Variants in MRC2 observed in about 807,000 individuals in gnomAD.
MRC2 encodes mannose receptor C-type 2.
MRC2 carries 84 observed loss-of-function variants against 206.2 expected under a neutral mutation model. That is an observed-to-expected ratio of 0.41 (90% CI 0.34 to 0.49). The LOEUF is 0.49. MRC2 is among the 20% of genes least tolerant of loss of function. MRC2 has a pLI of 0.31. For missense variants in MRC2, 1,676 were observed against 2,001.5 expected (o/e 0.84, Z 3.10); for synonymous variants, 798 against 800.0 (o/e 1.00, Z 0.04).
Position 62,683,211 on chromosome 17 carries a change from G to A in MRC2, c.2946+834G>A, listed in dbSNP as rs192770480. ...TGGCTGCGCGTGGTGGGTCATGCCT[G>A]TAATCCCAGCCCTTTGGGAGGCTGA... On this transcript the variant is annotated intron_variant, in intron 20 of 29. Transcript: ENST00000303375. Among the ~76,000 whole-genome samples, 575 of 152,252 alleles carry A rather than the reference G, an allele frequency of 3.8e-3. 5 individuals carry two copies. The highest frequency in any genetic ancestry group is 0.013 in the African/African-American group (550 of 41,580).
intron 11 of MRC2, 70 bp from the exon 12 acceptor site, chr17:62,677,199 G>T: frequency 7.5e-7 from 1 of 1,337,156 alleles, no homozygotes. Context: ...CTAGTGCCCT[G>T]CCGGGATGTG....
Position 62,667,172 on chromosome 17 carries a change from C to T in MRC2, c.974-218C>T, listed in dbSNP as rs1328445120. Among the ~76,000 whole-genome samples, 1 of 152,164 alleles carries T rather than the reference C, an allele frequency of 6.6e-6. No individual in the cohort carries two copies. The highest frequency in any genetic ancestry group is 1.5e-5 in the Non-Finnish European group (1 of 68,012). On this transcript the variant is annotated intron_variant, in intron 5 of 29. Transcript: ENST00000303375. The surrounding 1 kb of genome is among the most constrained non-coding windows in gnomAD (Gnocchi z 4.1). ...CGGGGAGGCCGGGGCGGGGCTGGTA[C>T]TGGTTACTGGGTAGAAGGTTCAAGG...
intron 28 of MRC2, among the ~76,000 whole-genome samples, chr17:62,691,771 C>CAAAAA (rs549279909): frequency 1.5e-5 from 1 of 65,918 alleles, no homozygotes; most frequent in Non-Finnish European, 2.9e-5. Flanking sequence ...ACCCTGTCTC[C>CAAAAA]AAAAAAAAAA....
rs140414269 is a variant in MRC2, at chr17:62,667,326, G to C, written c.974-64G>C. 1 of 1,515,398 alleles carries C rather than the reference G, an allele frequency of 6.6e-7. No homozygotes were observed. The highest frequency in any genetic ancestry group is 1.4e-5 in the African/African-American group (1 of 71,486). The allele number at this position is 1,515,398 out of a possible 1,614,324, so 93.9% of individuals were successfully genotyped here. A position where few individuals can be genotyped will look rare whatever the true frequency, so the allele number is the denominator to read the frequency against. ...GAGGGAGGTAGGAGGTTCTGAGCAG[G>C]GCCCCGGGAGCCACGGTGTGAGCTT... is the stretch of plus-strand genomic sequence containing the variant. On this transcript the variant is annotated intron_variant, in intron 5 of 29. Coordinates refer to ENST00000303375, the MANE Select transcript of MRC2 (RefSeq NM_006039.5). This position sits in a 1 kb window ranked among gnomAD's most constrained non-coding sequence, Gnocchi z 4.1.
Position 62,681,951 on chromosome 17 carries a change from G to T in MRC2, c.2803+14G>T, listed in dbSNP as rs777765751. ...CAGCCAGCCGAGGTGAGGGCAAGGT[G>T]GGGGCAGAGTGCGCAGTCAGCTGTG... On this transcript the variant is annotated intron_variant, in intron 19 of 29. Coordinates refer to ENST00000303375, the MANE Select transcript of MRC2 (RefSeq NM_006039.5). The T allele has an allele frequency of 3.1e-6, 5 of 1,609,660 alleles. No homozygotes were observed. Among genetic ancestry groups the T allele is most frequent in the Admixed American group, 1.7e-5 (1 of 59,578 alleles).
At position 62,664,459 on chromosome 17, in the gene MRC2, A is replaced by C. The variant is rs1425747922; in HGVS notation, c.119-89A>C. On this transcript the variant is annotated intron_variant, in intron 1 of 29. Transcript: ENST00000303375. The surrounding 1 kb of genome is among the most constrained non-coding windows in gnomAD (Gnocchi z 4.7). ...GACGGCTCACCATCCTGCACTGGGC[A>C]CATGGTAGGTGCCTGTCAGCCACAC... 2.7e-5 allele frequency: 38 copies of C among 1,400,406 alleles called. No individual in the cohort carries two copies. Among genetic ancestry groups the C allele is most frequent in the Middle Eastern group, 1.8e-4 (1 of 5,488 alleles). 86.7% of individuals were successfully genotyped at this position (1,400,406 alleles called of 1,614,324 possible).
intron 1 of MRC2, among the ~76,000 whole-genome samples, chr17:62,631,988 A>T (rs978141042): frequency 6.6e-6 from 1 of 152,000 alleles, no homozygotes; most frequent in Admixed American, 6.6e-5. Flanking sequence ...AGCACTGCTG[A>T]TAGGAAGCGT....
At chr17:62,674,368 G>A (rs1231573233) in intron 9 of MRC2, among the ~76,000 whole-genome samples, 198 bp downstream of exon 9, 3 of 152,120 alleles carry the variant, frequency 2.0e-5, no homozygotes, top group East Asian at 1.9e-4. Flanking sequence ...CTGTTGGGAG[G>A]AAGCAGAGCT....
At chr17:62,682,153 G>A in intron 19 of MRC2, 82 bp from the exon 20 acceptor site, 1 of 1,403,502 alleles carries the variant, frequency 7.1e-7, no homozygotes, top group South Asian at 1.4e-5. Context: ...CTCCTCTCAG[G>A]GCATGAGGCT....
intron 1 of MRC2, among the ~76,000 whole-genome samples, chr17:62,660,735 A>T (rs540864716): frequency 2.0e-5 from 3 of 152,338 alleles, no homozygotes; most frequent in South Asian, 2.1e-4. Flanking sequence ...AGATTTTTTT[A>T]AAATCCAGAT....
chr17:62,644,343 C>T (rs765981079), intron 1 of MRC2, among the ~76,000 whole-genome samples: 7 of 151,592 alleles, frequency 4.6e-5, no homozygotes, highest in Non-Finnish European at 7.4e-5. Flanking sequence ...TGCTTGAACC[C>T]AGAAGATGGA....
chr17:62,691,464 T>C (rs1213370634), intron 28 of MRC2, among the ~76,000 whole-genome samples: 1 of 152,040 alleles, frequency 6.6e-6, no homozygotes, highest in Non-Finnish European at 1.5e-5. Flanking sequence ...TCCTCGTATG[T>C]AAAATGGGAA....
chr17:62,664,942 C>G lies in MRC2; in HGVS notation c.513C>G (p.Pro171=), dbSNP rs950665962. Residue 171 remains proline (P), a synonymous_variant, in exon 2 of 30, where the codon CCC becomes CCG. Transcript: ENST00000303375. This position sits in a 1 kb window ranked among gnomAD's most constrained non-coding sequence, Gnocchi z 4.7. ...GCGAGGAGGACCTATGTGCTCTGCC[C>G]TACCACGGTGAGGGGCCGCTTGCAG... ...YGSEEDLCAL[P]YHEVYTIQGN... The G allele has an allele frequency of 4.4e-6, 7 of 1,602,388 alleles. No individual in the cohort carries two copies. Among genetic ancestry groups the G allele is most frequent in the Non-Finnish European group, 4.3e-6 (5 of 1,174,866 alleles).
At position 62,664,510 on chromosome 17, in the gene MRC2, G is replaced by T. The variant is rs746192871; in HGVS notation, c.119-38G>T. On this transcript the variant is annotated intron_variant, in intron 1 of 29. Coordinates refer to ENST00000303375, the MANE Select transcript of MRC2 (RefSeq NM_006039.5). The surrounding 1 kb of genome is among the most constrained non-coding windows in gnomAD (Gnocchi z 4.7). Reference sequence around the variant, plus strand: ...CGGTCATCAAGGGCCAACCAGGAGAGCCCCTGTGATGCCTTCGTGTCTTGC... The same window carrying T: ...CGGTCATCAAGGGCCAACCAGGAGATCCCCTGTGATGCCTTCGTGTCTTGC... 1.3e-6 allele frequency: 2 copies of T among 1,571,726 alleles called. No individual in the cohort carries two copies. Among genetic ancestry groups the T allele is most frequent in the East Asian group, 4.5e-5 (2 of 44,632 alleles).
intron 6 of MRC2, among the ~76,000 whole-genome samples, chr17:62,668,205 A>T (rs893228945): frequency 5.9e-5 from 9 of 151,860 alleles, no homozygotes; most frequent in South Asian, 2.1e-4. Flanking sequence ...AAATATTTTT[A>T]AAAAATTAGC....
In MRC2 at chr17:62,683,193, G is replaced by A. The variant is rs187547813; in HGVS notation, c.2946+816G>A. Among the ~76,000 whole-genome samples the A allele has an allele frequency of 4.4e-3, 662 of 151,846 alleles. 7 individuals carry two copies. The highest frequency in any genetic ancestry group is 0.015 in the African/African-American group (626 of 41,468). On this transcript the variant is annotated intron_variant, in intron 20 of 29. Coordinates refer to ENST00000303375, the MANE Select transcript of MRC2 (RefSeq NM_006039.5). ...AAGTTTAAAACATTTTTTTGGCTGC[G>A]CGTGGTGGGTCATGCCTGTAATCCC...
At chr17:62,657,561 C>T (rs749382291) in intron 1 of MRC2, among the ~76,000 whole-genome samples, 19 of 152,000 alleles carry the variant, frequency 1.3e-4, no homozygotes, top group Non-Finnish European at 2.9e-5. Context: ...TTGTGAGGGG[C>T]CCTGCACCTT....
rs572490139 is a variant in MRC2 at position 62,673,303 on chromosome 17, G to A, written c.1462-760G>A. Among the ~76,000 whole-genome samples, 214 of 152,202 alleles carry A rather than the reference G, an allele frequency of 1.4e-3. 2 individuals carry two copies. Among genetic ancestry groups the A allele is most frequent in the Non-Finnish European group, 2.2e-3 (150 of 67,994 alleles). Reference sequence around the variant, plus strand: ...GAGGGCGAAGACAGAAGCAGGGGCCGAGGACTAAATTCCTCCTCAGCTTCA... The same window carrying A: ...GAGGGCGAAGACAGAAGCAGGGGCCAAGGACTAAATTCCTCCTCAGCTTCA... On this transcript the variant is annotated intron_variant, in intron 8 of 29. Coordinates refer to ENST00000303375, the MANE Select transcript of MRC2 (RefSeq NM_006039.5).
At chr17:62,665,497 C>T (rs2088740723) in intron 2 of MRC2, among the ~76,000 whole-genome samples, 1 of 151,962 alleles carries the variant, frequency 6.6e-6, no homozygotes, top group African/African-American at 2.4e-5. Context: ...AAAATACATG[C>T]TTGTAAAGTC....
Sources: allele counts gnomAD v4.1 joint callset (sites outside exome capture counted in the v4.1 genomes callset), GRCh38; gene constraint gnomAD v4.1.1; non-coding constraint Gnocchi (gnomAD v3.1); transcripts MANE v1.5; gene names NCBI Gene and HGNC (gene_info 2026-07-23, HGNC 2026-07-21).